GRIA4: variants seen among roughly 807,000 people sequenced by gnomAD.
GRIA4 encodes the protein glutamate receptor 4.
GRIA4 carries 34 observed loss-of-function variants against 104.0 expected under a neutral mutation model. The ratio of observed to expected loss-of-function variants is 0.33; its 90% CI spans 0.25 to 0.44. The LOEUF is 0.44. GRIA4 is among the 20% of genes least tolerant of loss of function. The pLI is 1.00. For synonymous variants in GRIA4, 386 were observed against 381.9 expected (o/e 1.01, Z -0.13); for missense variants, 750 against 1,096.5 (o/e 0.68, Z 4.46).
At chr11:105,839,728 A>C (rs1376361522) in intron 4 of GRIA4, among the ~76,000 whole-genome samples, 1 of 151,992 alleles carries the variant, frequency 6.6e-6, no homozygotes, top group Non-Finnish European at 1.5e-5. Context: ...AAAATAAAAA[A>C]AAAGAACCCC....
intron 3 of GRIA4, among the ~76,000 whole-genome samples, chr11:105,640,879 T>G (rs1951340369): frequency 6.6e-6 from 1 of 152,078 alleles, no homozygotes. Flanking sequence ...CAATATTCCA[T>G]TTCCTTTGCT....
At chr11:105,734,835 TA>T (rs1466211553) in intron 3 of GRIA4, among the ~76,000 whole-genome samples, 1 of 152,174 alleles carries the variant, frequency 6.6e-6, no homozygotes, top group African/African-American at 2.4e-5. Context: ...ACTAATTTTA[TA>T]AGCACTAATA....
At chr11:105,879,903 A>G (rs1945984485) in intron 5 of GRIA4, among the ~76,000 whole-genome samples, 1 of 152,198 alleles carries the variant, frequency 6.6e-6, no homozygotes, top group Non-Finnish European at 1.5e-5. Flanking sequence ...TGGTCTAAAG[A>G]AGGGAACAGG....
intron 3 of GRIA4, among the ~76,000 whole-genome samples, chr11:105,693,776 G>A (rs761443064): frequency 1.3e-5 from 2 of 152,096 alleles, no homozygotes; most frequent in African/African-American, 4.8e-5. Flanking sequence ...ACAGCACAGA[G>A]ATCAGAAAAT....
Position 105,923,367 on chromosome 11 carries a change from T to C in GRIA4, c.1477-1032T>C, listed in dbSNP as rs528020834. On this transcript the variant is annotated intron_variant, in intron 11 of 16. Coordinates refer to ENST00000282499, the MANE Select transcript of GRIA4 (RefSeq NM_000829.4). ...GATTTTAGAGGTGGTGGTGATTTAA[T>C]AGAAGCAGCCCAGGCTCAAATCCCA... Among the ~76,000 whole-genome samples the C allele has an allele frequency of 1.6e-4, 25 of 152,260 alleles. No homozygotes were observed. In the South Asian group the frequency reaches 5.0e-3, roughly 30 times the overall value.
At chr11:105,694,433 C>G (rs1026400710) in intron 3 of GRIA4, among the ~76,000 whole-genome samples, 7 of 152,076 alleles carry the variant, frequency 4.6e-5, no homozygotes, top group African/African-American at 1.7e-4. Flanking sequence ...AGGCGTAAGT[C>G]AATGCTCCCG....
intron 3 of GRIA4, among the ~76,000 whole-genome samples, chr11:105,743,786 CCATT>C (rs1229043256): frequency 2.0e-5 from 3 of 152,186 alleles, no homozygotes; most frequent in Admixed American, 2.0e-4. Context: ...CCACCGCTAT[CCATT>C]CATTCATTCA....
intron 14 of GRIA4, among the ~76,000 whole-genome samples, chr11:105,939,786 G>A (rs1306188649): frequency 6.6e-6 from 1 of 152,092 alleles, no homozygotes; most frequent in Non-Finnish European, 1.5e-5. Context: ...TGACATATTC[G>A]CTATTGTTGT....
intron 11 of GRIA4, among the ~76,000 whole-genome samples, chr11:105,921,000 T>C (rs1947542947): frequency 6.6e-6 from 1 of 152,204 alleles, no homozygotes. Flanking sequence ...TAAAACTAAA[T>C]CCATTCTCTT....
chr11:105,845,414 C>T (rs2135971642), intron 4 of GRIA4, among the ~76,000 whole-genome samples: 1 of 152,172 alleles, frequency 6.6e-6, no homozygotes, highest in South Asian at 2.1e-4. Context: ...CACTAGCCTG[C>T]CTGGAGACAA....
chr11:105,658,502 A>C (rs897611394), intron 3 of GRIA4, among the ~76,000 whole-genome samples: 1 of 151,996 alleles, frequency 6.6e-6, no homozygotes, highest in Non-Finnish European at 1.5e-5. Context: ...TTCTAGATAA[A>C]AAGAAGTAGA....
chr11:105,868,354 T>C (rs1290114137), intron 5 of GRIA4, among the ~76,000 whole-genome samples: 1 of 152,154 alleles, frequency 6.6e-6, no homozygotes, highest in Admixed American at 6.6e-5. Context: ...GCTGTAAAGA[T>C]TGGAGGTAGC....
chr11:105,859,742 C>G (rs906989449), intron 4 of GRIA4, among the ~76,000 whole-genome samples: 2 of 151,012 alleles, frequency 1.3e-5, no homozygotes, highest in African/African-American at 4.9e-5. Flanking sequence ...CAAAAAAAAT[C>G]TTAGCATTAT....
intron 4 of GRIA4, among the ~76,000 whole-genome samples, chr11:105,836,780 T>C (rs915644480): frequency 3.9e-5 from 6 of 152,140 alleles, no homozygotes; most frequent in Non-Finnish European, 5.9e-5. Context: ...CTTTGAGAAA[T>C]AGTCTTAAAT....
chr11:105,751,488 C>G (rs966935492), intron 3 of GRIA4, among the ~76,000 whole-genome samples: 1 of 152,134 alleles, frequency 6.6e-6, no homozygotes, highest in Admixed American at 6.5e-5. Flanking sequence ...AAATTACAGC[C>G]AGTCACATTG....
At chr11:105,969,473 T>C (rs1050476968) in intron 14 of GRIA4, among the ~76,000 whole-genome samples, 9 of 151,960 alleles carry the variant, frequency 5.9e-5, no homozygotes, top group South Asian at 2.1e-4. Context: ...AGGTGTGAAA[T>C]AGCAGAAAGG....
At chr11:105,808,242 T>C (rs1413906885) in intron 4 of GRIA4, among the ~76,000 whole-genome samples, 1 of 151,934 alleles carries the variant, frequency 6.6e-6, no homozygotes, top group African/African-American at 2.4e-5. Flanking sequence ...AACACACCCC[T>C]AGAGTCCTGG....
chr11:105,678,301 T>C (rs1952605330), intron 3 of GRIA4, among the ~76,000 whole-genome samples: 1 of 152,046 alleles, frequency 6.6e-6, no homozygotes, highest in South Asian at 2.1e-4. Flanking sequence ...TCAGCATTGA[T>C]TACAATGTTT....
At position 105,850,243 on chromosome 11, in the gene GRIA4, G is replaced by C. The variant is rs1944753689; in HGVS notation, c.488-11781G>C. On this transcript the variant is annotated intron_variant, in intron 4 of 16. Transcript: ENST00000282499. ...TGTTACAGTTATATAAGTTATTGTA[G>C]ACTTTTTTTGCATTCATTATAATTC... 2.6e-5 allele frequency among the ~76,000 whole-genome samples: 4 copies of C among 152,092 alleles called. No individual in the cohort carries two copies. In the South Asian group the frequency reaches 8.3e-4, roughly 31 times the overall value.
Sources: gnomAD v4.1 joint callset for allele counts (sites outside exome capture counted in the v4.1 genomes callset) on GRCh38, gnomAD v4.1.1 for gene constraint, MANE v1.5 for transcripts, NCBI Gene and HGNC (gene_info 2026-07-23, HGNC 2026-07-21) for gene names.